Variants in SGCD observed in about 807,000 individuals in gnomAD.
SGCD encodes the protein sarcoglycan delta.
In SGCD, 18 loss-of-function variants were observed where a neutral mutation model predicts 36.6. The ratio of observed to expected loss-of-function variants is 0.49; its 90% CI spans 0.34 to 0.73. The LOEUF (loss-of-function observed/expected upper bound fraction) is 0.73, where lower values mean the gene tolerates loss of function less well. SGCD is among the 30% of genes least tolerant of loss of function. The pLI is 0.01. For synonymous variants in SGCD, 133 were observed against 130.6 expected, an observed-to-expected ratio of 1.02 and a Z score of -0.12; for missense variants, 387 against 346.7, an observed-to-expected ratio of 1.12 and a Z score of -0.92.
At chr5:155,961,375 A>G (rs1367757740) in intron 1 of SGCD, among the ~76,000 whole-genome samples, 1 of 152,088 alleles carries the variant, frequency 6.6e-6, no homozygotes, top group African/African-American at 2.4e-5. Context: ...TACATTTCTC[A>G]TTTTAATTCA....
chr5:156,153,253 G>GC (rs527867418), intron 3 of SGCD, among the ~76,000 whole-genome samples: 1 of 141,160 alleles, frequency 7.1e-6, no homozygotes, highest in Non-Finnish European at 1.6e-5. Flanking sequence ...AAAAAATGTT[G>GC]TTTTTTTTTT....
chr5:156,118,028 T>C lies in SGCD; in HGVS notation c.-208+77T>C, dbSNP rs906254420. ...ATTGTGTTGGGTATCTAGAGATATA[T>C]GGAAAGCTAGCAAAAATAGCCCCTG... On this transcript the variant is annotated intron_variant, in intron 2 of 9. Coordinates refer to the SGCD transcript ENST00000517913. 2.6e-5 allele frequency: 4 copies of C among 152,246 alleles called. No homozygotes were observed. In the South Asian group the frequency reaches 8.3e-4, roughly 32 times the overall value. The allele number at this position is 152,246 out of a possible 1,614,324, so 9.4% of individuals were successfully genotyped here. A position where few individuals can be genotyped will look rare whatever the true frequency, so the allele number is the denominator to read the frequency against.
At chr5:156,627,731 A>T (rs372023666) in intron 6 of SGCD, among the ~76,000 whole-genome samples, 1 of 152,222 alleles carries the variant, frequency 6.6e-6, no homozygotes. Flanking sequence ...GGATATTAGA[A>T]TATATAATAT....
rs1442199360 is a variant in SGCD, at chr5:156,762,167, C to A, written c.*2777C>A. The A allele has an allele frequency of 2.6e-5, 4 of 152,470 alleles. No homozygotes were observed. The highest frequency in any genetic ancestry group is 5.9e-5 in the Non-Finnish European group (4 of 67,994). 9.4% of individuals were successfully genotyped at this position (152,470 alleles called of 1,614,324 possible). On this transcript the variant is annotated 3_prime_UTR_variant, in exon 9 of 9. Transcript: ENST00000337851. ...CGCCTACTTTTTAAAAAATGAGATT[C>A]TTTCTAATCTTTATATATGACATTT... is the stretch of plus-strand genomic sequence containing the variant.
intron 1 of SGCD, among the ~76,000 whole-genome samples, chr5:156,068,884 C>T (rs1475805303): frequency 6.6e-6 from 1 of 152,016 alleles, no homozygotes; most frequent in African/African-American, 2.4e-5. Flanking sequence ...TGATGGTGAG[C>T]ATTTTTTCAT....
chr5:156,373,136 T>C (rs183768163), intron 3 of SGCD, among the ~76,000 whole-genome samples: 2 of 152,322 alleles, frequency 1.3e-5, no homozygotes, highest in East Asian at 3.9e-4. Flanking sequence ...TAGAGTAGGT[T>C]TCATTTGTGC....
At chr5:156,670,858 G>T (rs1443933477) in intron 7 of SGCD, among the ~76,000 whole-genome samples, 1 of 152,132 alleles carries the variant, frequency 6.6e-6, no homozygotes, top group East Asian at 1.9e-4. Flanking sequence ...TTCAGTGGCT[G>T]TCACTAACTT....
chr5:156,591,355 C>T (rs117029198), intron 5 of SGCD, among the ~76,000 whole-genome samples: 2 of 152,322 alleles, frequency 1.3e-5, no homozygotes, highest in East Asian at 1.9e-4. Flanking sequence ...GGAAACAATA[C>T]TTCACATGAT....
intron 1 of SGCD, among the ~76,000 whole-genome samples, chr5:156,087,441 C>T (rs1478841526): frequency 6.6e-6 from 1 of 151,872 alleles, no homozygotes; most frequent in Non-Finnish European, 1.5e-5. Flanking sequence ...GAGTTCGAGA[C>T]CAGCCTCGCC....
At chr5:156,237,395 C>T (rs2127654334) in intron 3 of SGCD, among the ~76,000 whole-genome samples, 1 of 152,102 alleles carries the variant, frequency 6.6e-6, no homozygotes, top group South Asian at 2.1e-4. Flanking sequence ...GAGGCCGAGG[C>T]AGGCAAATCA....
the SGCD span, among the ~76,000 whole-genome samples, chr5:155,751,346 A>C: frequency 5.9e-5 from 9 of 152,184 alleles, no homozygotes; most frequent in Admixed American, 6.5e-5. Flanking sequence ...CTGTGTCTCA[A>C]AGTTACTGTG....
intron 2 of SGCD, among the ~76,000 whole-genome samples, chr5:156,340,386 T>C (rs1768588994): frequency 6.6e-6 from 1 of 152,230 alleles, no homozygotes; most frequent in Admixed American, 6.5e-5. Flanking sequence ...TCTTCCTTCA[T>C]GTCACCATGC....
At chr5:155,945,371 T>G (rs542038264) in intron 1 of SGCD, among the ~76,000 whole-genome samples, 1 of 152,198 alleles carries the variant, frequency 6.6e-6, no homozygotes, top group African/African-American at 2.4e-5. Context: ...ACTCTGTGCC[T>G]GGCTCTGTGT....
At chr5:156,261,450 G>A (rs1765861830) in intron 3 of SGCD, among the ~76,000 whole-genome samples, 1 of 152,098 alleles carries the variant, frequency 6.6e-6, no homozygotes, top group Admixed American at 6.6e-5. Flanking sequence ...AAAAATTTTT[G>A]TTGTCTAGTG....
chr5:155,743,777 G>A, the SGCD span, among the ~76,000 whole-genome samples: 9 of 152,152 alleles, frequency 5.9e-5, no homozygotes, highest in Non-Finnish European at 8.8e-5. Flanking sequence ...GGGAAGTGCC[G>A]AGCAAGGAGC....
intron 7 of SGCD, among the ~76,000 whole-genome samples, chr5:156,749,250 A>C (rs1012978385): frequency 2.6e-5 from 4 of 152,228 alleles, no homozygotes; most frequent in African/African-American, 9.6e-5. Context: ...AAGTCATACT[A>C]AAATTAGAAA....
intron 7 of SGCD, among the ~76,000 whole-genome samples, chr5:156,656,962 A>G (rs1014990308): frequency 1.3e-5 from 2 of 152,140 alleles, no homozygotes; most frequent in African/African-American, 4.8e-5. Flanking sequence ...GGAATGTGTG[A>G]GATTTAAAGT....
At chr5:156,166,960 C>G (rs372141186) in intron 3 of SGCD, among the ~76,000 whole-genome samples, 1 of 152,140 alleles carries the variant, frequency 6.6e-6, no homozygotes, top group African/African-American at 2.4e-5. Flanking sequence ...TAGGCTTGCT[C>G]TCCTTGATTC....
At chr5:156,709,742 A>G (rs556834522) in intron 7 of SGCD, among the ~76,000 whole-genome samples, 16 of 152,246 alleles carry the variant, frequency 1.1e-4, no homozygotes, top group African/African-American at 3.9e-4. Context: ...TGGGTTTGAA[A>G]AGAGCAGAAA....
Sources: allele counts gnomAD v4.1 joint callset (sites outside exome capture counted in the v4.1 genomes callset), GRCh38; gene constraint gnomAD v4.1.1; transcripts MANE v1.5; gene names NCBI Gene and HGNC (gene_info 2026-07-23, HGNC 2026-07-21).